The following ANKRD28 variants were observed in gnomAD, a reference collection of about 807,000 sequenced individuals.
The protein encoded by ANKRD28 is serine/threonine-protein phosphatase 6 regulatory ankyrin repeat subunit A.
ANKRD28 carries 44 observed loss-of-function variants against 126.5 expected under a neutral mutation model. The observed-to-expected ratio is 0.35, with a 90% CI of 0.27 to 0.45. The LOEUF (loss-of-function observed/expected upper bound fraction) is 0.45, where lower values mean the gene tolerates loss of function less well. Ranked by LOEUF, ANKRD28 falls within the 20% of genes least tolerant of loss-of-function variation. The pLI, the probability that ANKRD28 is intolerant of heterozygous loss-of-function variation, is 1.00. For missense variants in ANKRD28, 1,110 were observed against 1,316.6 expected (o/e 0.84, Z 2.43); for synonymous variants, 442 against 468.5 (o/e 0.94, Z 0.73).
chr3:15,762,215 A>G (rs2058512731), intron 3 of ANKRD28, among the ~76,000 whole-genome samples: 3 of 25,238 alleles, frequency 1.2e-4, no homozygotes, highest in African/African-American at 2.7e-4. Flanking sequence ...AAAAAAAAAC[A>G]AAACAAAAAA....
intron 8 of ANKRD28, among the ~76,000 whole-genome samples, chr3:15,716,351 G>C (rs759927798): frequency 6.6e-5 from 10 of 151,166 alleles, no homozygotes; most frequent in Non-Finnish European, 1.3e-4. Flanking sequence ...GAATGCAGTG[G>C]TGTAATCATA....
chr3:15,716,964 C>T (rs2073150997), intron 8 of ANKRD28, among the ~76,000 whole-genome samples: 1 of 152,086 alleles, frequency 6.6e-6, no homozygotes. Context: ...TCTGTCTCCC[C>T]ATCTCCCTTC....
At position 15,707,909 on chromosome 3, in the gene ANKRD28, T is replaced by C. The variant is rs757080130; in HGVS notation, c.1547+15A>G. 16 of 1,609,254 alleles carry C rather than the reference T, an allele frequency of 9.9e-6. No individual in the cohort carries two copies. Among genetic ancestry groups the C allele is most frequent in the Non-Finnish European group, 1.2e-5 (14 of 1,176,342 alleles). ...AGAAATATTGATCCTCCACTCTCAC[T>C]CCTATGGTACTTACTTGCCATCTGT... On this transcript the variant is annotated intron_variant, in intron 14 of 27. Transcript: ENST00000683139.
upstream of ANKRD28, among the ~76,000 whole-genome samples, chr3:15,799,768 A>G (rs1009166145): frequency 6.6e-6 from 1 of 151,960 alleles, no homozygotes; most frequent in African/African-American, 2.4e-5. Flanking sequence ...TTCTAAGTCA[A>G]CCTCCACACT....
chr3:15,711,737 T>C (rs1305556083), intron 11 of ANKRD28, among the ~76,000 whole-genome samples: 1 of 151,896 alleles, frequency 6.6e-6, no homozygotes, highest in Non-Finnish European at 1.5e-5. Context: ...CCTAGGCTAG[T>C]GTGCAGTGGC....
intron 21 of ANKRD28, among the ~76,000 whole-genome samples, chr3:15,682,192 T>C (rs1010292211): frequency 1.3e-5 from 2 of 152,324 alleles, no homozygotes; most frequent in Middle Eastern, 6.8e-3. Flanking sequence ...GAAAATAGTT[T>C]TCATAAAAAA....
At chr3:15,750,815 T>C (rs2057811830) in intron 4 of ANKRD28, among the ~76,000 whole-genome samples, 1 of 152,172 alleles carries the variant, frequency 6.6e-6, no homozygotes, top group African/African-American at 2.4e-5. Context: ...GAAGAAGCAG[T>C]AGCTACACTT....
chr3:15,721,168 GC>G, intron 7 of ANKRD28, 41 bp from the exon 8 acceptor site: 1 of 1,553,740 alleles, frequency 6.4e-7, no homozygotes, highest in Non-Finnish European at 8.8e-7. Flanking sequence ...AAGTAGTTTT[GC>G]TAATTATCAA....
chr3:15,711,125 G>T, intron 12 of ANKRD28, 86 bp downstream of exon 12: 1 of 1,186,078 alleles, frequency 8.4e-7, no homozygotes, highest in Non-Finnish European at 1.2e-6. Context: ...TGGCAGCCCA[G>T]AATTAATAAA....
chr3:15,763,936 C>T (rs917726495), intron 3 of ANKRD28, among the ~76,000 whole-genome samples: 2 of 152,054 alleles, frequency 1.3e-5, no homozygotes, highest in Non-Finnish European at 1.5e-5. Flanking sequence ...ATTAAAAGTA[C>T]TTTTTGGCTG....
chr3:15,726,161 A>G (rs2074147524), intron 6 of ANKRD28, among the ~76,000 whole-genome samples: 1 of 152,204 alleles, frequency 6.6e-6, no homozygotes, highest in Non-Finnish European at 1.5e-5. Context: ...AGGCCAAATA[A>G]TAACCCTACA....
At chr3:15,707,365 A>T (rs2071597674) in intron 14 of ANKRD28, among the ~76,000 whole-genome samples, 1 of 152,200 alleles carries the variant, frequency 6.6e-6, no homozygotes, top group South Asian at 2.1e-4. Flanking sequence ...GTTTTCACTT[A>T]TTCATTCTTG....
At chr3:15,714,545 A>AC (rs771258195) in intron 9 of ANKRD28, 33 bp downstream of exon 9, 37 of 1,502,686 alleles carry the variant, frequency 2.5e-5, no homozygotes, top group Non-Finnish European at 3.3e-5. Context: ...AAAAAAAAAA[A>AC]AACCCCAAAA....
intron 1 of ANKRD28, among the ~76,000 whole-genome samples, chr3:15,837,514 T>C (rs1437899018): frequency 6.6e-6 from 1 of 152,118 alleles, no homozygotes; most frequent in Non-Finnish European, 1.5e-5. Flanking sequence ...CAAACATGTT[T>C]GAAAATTAAA....
intron 6 of ANKRD28, among the ~76,000 whole-genome samples, chr3:15,734,932 C>CATAT (rs2074918219): frequency 1.3e-5 from 2 of 152,016 alleles, no homozygotes; most frequent in African/African-American, 4.8e-5. Flanking sequence ...TTTTCAAGAA[C>CATAT]ATATATATTA....
intron 12 of ANKRD28, among the ~76,000 whole-genome samples, chr3:15,710,568 T>A (rs1382473242): frequency 6.6e-6 from 1 of 152,216 alleles, no homozygotes; most frequent in Non-Finnish European, 1.5e-5. Flanking sequence ...TAAGAAATTA[T>A]CATTGAGAAT....
At chr3:15,711,509 A>G (rs2072270052) in intron 11 of ANKRD28, among the ~76,000 whole-genome samples, 2 of 152,232 alleles carry the variant, frequency 1.3e-5, no homozygotes, top group Non-Finnish European at 1.5e-5. Context: ...CATTATATTA[A>G]GTGAAACAAG....
At chr3:15,781,631 T>G (rs1189580390) in intron 2 of ANKRD28, 1 of 152,194 alleles carries the variant, frequency 6.6e-6, no homozygotes, top group Non-Finnish European at 1.5e-5. Flanking sequence ...GGCTAATGTT[T>G]AGAATTTCTA....
intron 1 of ANKRD28, among the ~76,000 whole-genome samples, chr3:15,851,297 C>A (rs564658895): frequency 6.6e-6 from 1 of 151,908 alleles, no homozygotes; most frequent in South Asian, 2.1e-4. Context: ...CTTTGGTAGG[C>A]TGGGGAGGGG....
Sources: gnomAD v4.1 joint callset for allele counts (sites outside exome capture counted in the v4.1 genomes callset) on GRCh38, gnomAD v4.1.1 for gene constraint, MANE v1.5 for transcripts, NCBI Gene and HGNC (gene_info 2026-07-23, HGNC 2026-07-21) for gene names.